Variants in FANCC observed in about 807,000 individuals in gnomAD.
FANCC encodes Fanconi anemia group C protein.
A neutral mutation model predicts 71.3 loss-of-function variants in FANCC; 55 were observed. The ratio of observed to expected loss-of-function variants is 0.77; its 90% CI spans 0.62 to 0.97. The LOEUF (loss-of-function observed/expected upper bound fraction) is 0.97, where lower values mean the gene tolerates loss of function less well. Among genes scored for constraint, FANCC ranks in the 50% least tolerant of loss-of-function variants. FANCC has a pLI of 0.00. For missense variants in FANCC, 678 were observed against 670.9 expected (o/e 1.01, Z -0.12); for synonymous variants, 275 against 244.9 (o/e 1.12, Z -1.15).
intron 1 of FANCC, among the ~76,000 whole-genome samples, chr9:95,263,630 G>A (rs1005247480): frequency 5.3e-5 from 8 of 152,012 alleles, no homozygotes; most frequent in African/African-American, 1.9e-4. Context: ...TCCATTAGCT[G>A]TCAGAGAGAG....
chr9:95,117,494 C>T (rs1406364612), intron 10 of FANCC, 104 bp from the exon 11 acceptor site: 2 of 819,450 alleles, frequency 2.4e-6, no homozygotes, highest in Non-Finnish European at 4.2e-6. Context: ...CCCACCAGTA[C>T]TAACATGGTC....
chr9:95,214,590 G>A (rs1828732330), intron 4 of FANCC, among the ~76,000 whole-genome samples: 1 of 152,156 alleles, frequency 6.6e-6, no homozygotes, highest in South Asian at 2.1e-4. Context: ...CAACTAAACT[G>A]TAGAGGCAAC....
chr9:95,125,153 T>C lies in FANCC; in HGVS notation c.929A>G (p.Glu310Gly). 1 of 1,614,222 alleles carries C rather than the reference T, an allele frequency of 6.2e-7. No individual in the cohort carries two copies. Among genetic ancestry groups the C allele is most frequent in the Non-Finnish European group, 8.5e-7 (1 of 1,180,028 alleles). ...AAACACCTGAATAGTGGCTATGATTTCCAGGGCCCCATCGGTTTCCAGGAG... is the reference window on the plus strand; with the variant it reads ...AAACACCTGAATAGTGGCTATGATTCCCAGGGCCCCATCGGTTTCCAGGAG... ...CALLETDGAL[E>G]IIATIQVFTQ... The change falls in exon 10 of 15, where the codon GAA (glutamate) becomes GGA (glycine). Residue 310 changes from glutamate to glycine, a missense_variant. Glu to Gly is a moderately conservative substitution (Grantham distance 98). Coordinates refer to ENST00000289081, the MANE Select transcript of FANCC (RefSeq NM_000136.3).
chr9:95,208,254 C>G (rs1828270114), intron 4 of FANCC, among the ~76,000 whole-genome samples: 1 of 151,828 alleles, frequency 6.6e-6, no homozygotes, highest in Non-Finnish European at 1.5e-5. Context: ...TGCACCACCA[C>G]ACCTGGCTAA....
In FANCC at chr9:95,126,577, T is replaced by C; in HGVS notation, c.848A>G (p.Gln283Arg). ...ECFIKDSSLP[Q>R]AACHPAIFRV... ...GAATATGGCAGGGTGGCAGGCTGCT[T>C]GAGGCTGTAAAAGGAGAAGACCATG... The change falls in exon 9 of 15, where the codon CAA becomes CGA. Residue 283 changes from glutamine to arginine, a missense_variant. Coordinates refer to ENST00000289081, the MANE Select transcript of FANCC (RefSeq NM_000136.3). 3.1e-6 allele frequency: 5 copies of C among 1,614,054 alleles called. No individual in the cohort carries two copies. Among genetic ancestry groups the C allele is most frequent in the Non-Finnish European group, 4.2e-6 (5 of 1,179,928 alleles).
Position 95,150,018 on chromosome 9 carries a change from G to C in FANCC, c.591C>G (p.Asp197Glu), listed in dbSNP as rs1457631500. Reference protein sequence around the residue: ...CVPLITLTDVDPLVEALLICH... With the variant: ...CVPLITLTDVEPLVEALLICH... ...AGATGAGGAGAGCCTCCACCAGGGG[G>C]TCAACATCTGTCAGGGTAATAAGTG... The change falls in exon 7 of 15, where the codon GAC (aspartate) becomes GAG (glutamate). Residue 197 changes from aspartate (D) to glutamate (E), a missense_variant. Physicochemically the swap from Asp to Glu is conservative, Grantham distance 45. Transcript: ENST00000289081. 2.5e-5 allele frequency: 40 copies of C among 1,614,076 alleles called. No individual in the cohort carries two copies. The highest frequency in any genetic ancestry group is 3.3e-5 in the Non-Finnish European group (39 of 1,179,994).
At chr9:95,128,486 T>C (rs563020599) in intron 8 of FANCC, among the ~76,000 whole-genome samples, 1 of 152,240 alleles carries the variant, frequency 6.6e-6, no homozygotes, top group East Asian at 1.9e-4. Context: ...TTCTATAGGT[T>C]TGATGCTAGT....
At chr9:95,313,287 A>G (rs1323490169) in intron 1 of FANCC, among the ~76,000 whole-genome samples, 1 of 152,164 alleles carries the variant, frequency 6.6e-6, no homozygotes, top group African/African-American at 2.4e-5. Context: ...ACACTATGGG[A>G]GCTCCGCCCT....
intron 5 of FANCC, 29 bp from the exon 6 acceptor site, chr9:95,171,172 C>T (rs776585456): frequency 1.9e-6 from 3 of 1,553,776 alleles, no homozygotes; most frequent in Non-Finnish European, 2.7e-6. Flanking sequence ...TGCAGGTTAA[C>T]TCACGCTGCA....
intron 6 of FANCC, among the ~76,000 whole-genome samples, chr9:95,157,556 C>A (rs550793076): frequency 2.0e-5 from 3 of 152,218 alleles, no homozygotes; most frequent in Non-Finnish European, 4.4e-5. Context: ...CCCAGCAGTA[C>A]ATGGTTACCG....
At chr9:95,102,256 T>A (rs1473057970) in intron 14 of FANCC, among the ~76,000 whole-genome samples, 2 of 152,166 alleles carry the variant, frequency 1.3e-5, no homozygotes, top group Non-Finnish European at 2.9e-5. Context: ...CACACGAACA[T>A]GAGAATTGGA....
intron 1 of FANCC, among the ~76,000 whole-genome samples, chr9:95,305,864 C>A (rs1328711636): frequency 6.6e-6 from 1 of 152,146 alleles, no homozygotes; most frequent in African/African-American, 2.4e-5. Context: ...TAATGACAAT[C>A]CCACTCATCT....
At chr9:95,271,267 T>G (rs1196456808) in intron 1 of FANCC, among the ~76,000 whole-genome samples, 7 of 152,166 alleles carry the variant, frequency 4.6e-5, no homozygotes, top group African/African-American at 1.7e-4. Flanking sequence ...CCTGTGAATA[T>G]TACTTTACAT....
rs1064795866 is a variant in FANCC at position 95,249,276 on chromosome 9, C to G, written c.16G>C (p.Val6Leu). Reference protein sequence around the residue: MAQDSVDLSCDYQFWM... With the variant: MAQDSLDLSCDYQFWM... ...AACTGATAATCACAAGAAAGATCTACTGAATCTTGAGCCATCTTGGAAAAA... is the reference window on the plus strand; with the variant it reads ...AACTGATAATCACAAGAAAGATCTAGTGAATCTTGAGCCATCTTGGAAAAA... Residue 6 changes from valine (V) to leucine (L), a missense_variant, in exon 2 of 15, where the codon GTA (valine) becomes CTA (leucine). By Grantham distance (32) the Val-to-Leu change is conservative. Coordinates refer to ENST00000289081, the MANE Select transcript of FANCC (RefSeq NM_000136.3). The G allele has an allele frequency of 1.2e-6, 2 of 1,613,968 alleles. No individual in the cohort carries two copies. The highest frequency in any genetic ancestry group is 1.7e-6 in the Non-Finnish European group (2 of 1,180,004).
intron 4 of FANCC, among the ~76,000 whole-genome samples, chr9:95,238,542 T>G (rs1233055746): frequency 1.3e-5 from 2 of 151,916 alleles, no homozygotes; most frequent in Non-Finnish European, 2.9e-5. Context: ...CTACATGATA[T>G]CTCTGGCTTT....
rs202125149 is a variant in FANCC, at chr9:95,117,438, C to T, written c.997-48G>A. 24 of 1,523,684 alleles carry T rather than the reference C, an allele frequency of 1.6e-5. No homozygotes were observed. The Admixed American group carries it at 3.0e-4, about 19-fold the overall frequency. The allele number at this position is 1,523,684 out of a possible 1,614,324, so 94.4% of individuals were successfully genotyped here. On this transcript the variant is annotated intron_variant, in intron 10 of 14. Coordinates refer to ENST00000289081, the MANE Select transcript of FANCC (RefSeq NM_000136.3). ...AAGAGCATGAACATTAAGATTGAAA[C>T]GGGGTCAGGAAAATACAAAACTCTG...
chr9:95,119,597 CTCGTGA>C (rs1284310966), intron 10 of FANCC, among the ~76,000 whole-genome samples: 6 of 152,184 alleles, frequency 3.9e-5, no homozygotes, highest in Non-Finnish European at 8.8e-5. Flanking sequence ...ATCTCTTGAA[CTCGTGA>C]TCCACCCACC....
chr9:95,117,720 A>G (rs1381598599), intron 10 of FANCC, among the ~76,000 whole-genome samples: 1 of 138,534 alleles, frequency 7.2e-6, no homozygotes, highest in Non-Finnish European at 1.5e-5. Context: ...TAGGTATTTC[A>G]GCATTTTTTT....
chr9:95,118,042 G>A (rs1207197238), intron 10 of FANCC, among the ~76,000 whole-genome samples: 2 of 151,432 alleles, frequency 1.3e-5, no homozygotes, highest in African/African-American at 4.9e-5. Flanking sequence ...TTATTGAGAT[G>A]GAGTCTCCTT....
Sources: allele counts gnomAD v4.1 joint callset (sites outside exome capture counted in the v4.1 genomes callset), GRCh38; gene constraint gnomAD v4.1.1; transcripts MANE v1.5; gene names NCBI Gene and HGNC (gene_info 2026-07-23, HGNC 2026-07-21).